Variants in ACSL1 observed in about 807,000 individuals in gnomAD.
The protein encoded by ACSL1 is long-chain-fatty-acid--CoA ligase 1.
A neutral mutation model predicts 98.4 loss-of-function variants in ACSL1; 41 were observed. That is an observed-to-expected ratio of 0.42 (90% CI 0.32 to 0.54). The LOEUF (loss-of-function observed/expected upper bound fraction) is 0.54, where lower values mean the gene tolerates loss of function less well. Among genes scored for constraint, ACSL1 ranks in the 20% least tolerant of loss-of-function variants. ACSL1 has a pLI of 0.13. For missense variants in ACSL1, 734 were observed against 883.1 expected (o/e 0.83, Z 2.14); for synonymous variants, 316 against 322.7 (o/e 0.98, Z 0.22).
intron 3 of ACSL1, among the ~76,000 whole-genome samples, chr4:184,785,428 CT>C (rs1767047298): frequency 6.6e-6 from 1 of 152,102 alleles, no homozygotes; most frequent in Admixed American, 6.5e-5. Context: ...TTATAAATGG[CT>C]TCCTTGGTGC....
intron 3 of ACSL1, among the ~76,000 whole-genome samples, chr4:184,785,389 G>C (rs1210737046): frequency 3.9e-5 from 6 of 152,118 alleles, no homozygotes; most frequent in African/African-American, 1.4e-4. Flanking sequence ...CTAGAGATGA[G>C]AGCCACTGAG....
Position 184,770,399 on chromosome 4 carries a change from C to G in ACSL1, c.993G>C (p.Glu331Asp), listed in dbSNP as rs1198388091. 1 of 1,613,282 alleles carries G rather than the reference C, an allele frequency of 6.2e-7. No individual in the cohort carries two copies. The highest frequency in any genetic ancestry group is 8.5e-7 in the Non-Finnish European group (1 of 1,179,728). ...AAGGAAAACAAAATTAAATGCCTACCTCTACAACTCTCTCAAACATATGGG... is the reference window on the plus strand; with the variant it reads ...AAGGAAAACAAAATTAAATGCCTACGTCTACAACTCTCTCAAACATATGGG... ...PLAHMFERVV[E>D]CVMLCHGAKI... The change falls in exon 11 of 21, where the codon GAG becomes GAC. Residue 331 changes from glutamate (E) to aspartate (D), a missense_variant and splice_region_variant. Transcript: ENST00000281455.
At chr4:184,792,133 T>C (rs1768479900) in intron 2 of ACSL1, among the ~76,000 whole-genome samples, 1 of 152,156 alleles carries the variant, frequency 6.6e-6, no homozygotes, top group South Asian at 2.1e-4. Context: ...AAGAAGTGAA[T>C]GATATCCCCA....
At chr4:184,822,337 C>A (rs1773123870) in intron 1 of ACSL1, among the ~76,000 whole-genome samples, 1 of 152,140 alleles carries the variant, frequency 6.6e-6, no homozygotes, top group Non-Finnish European at 1.5e-5. Flanking sequence ...GGGTGACACC[C>A]TCCAAGCCAG....
intron 1 of ACSL1, among the ~76,000 whole-genome samples, chr4:184,820,666 G>A (rs562926254): frequency 8.5e-5 from 13 of 152,090 alleles, no homozygotes; most frequent in African/African-American, 3.1e-4. Flanking sequence ...GTGCTGTGGC[G>A]CAATCTTGGC....
intron 14 of ACSL1, among the ~76,000 whole-genome samples, 175 bp downstream of exon 14, chr4:184,765,716 A>G (rs1348848607): frequency 2.0e-5 from 3 of 152,224 alleles, no homozygotes; most frequent in African/African-American, 7.2e-5. Context: ...TAGCCATTCC[A>G]CAATGTTTAC....
chr4:184,814,012 T>C (rs2150486035), intron 1 of ACSL1: 1 of 399,576 alleles, frequency 2.5e-6, no homozygotes, highest in South Asian at 1.7e-5. Flanking sequence ...CATGTAAGGC[T>C]GGGCACAGTG....
chr4:184,793,606 C>T (rs940138129), intron 2 of ACSL1, among the ~76,000 whole-genome samples: 4 of 152,130 alleles, frequency 2.6e-5, no homozygotes, highest in Non-Finnish European at 4.4e-5. Context: ...CCTTGTGTTG[C>T]TACTGTTTAT....
intron 1 of ACSL1, among the ~76,000 whole-genome samples, chr4:184,811,145 G>A (rs1772026021): frequency 6.6e-6 from 1 of 152,090 alleles, no homozygotes; most frequent in South Asian, 2.1e-4. Flanking sequence ...GTCTCACTTT[G>A]TCGCCCAGGC....
chr4:184,766,890 C>A lies in ACSL1; in HGVS notation c.1129-134G>T. On this transcript the variant is annotated intron_variant, in intron 12 of 20. Coordinates refer to ENST00000281455, the MANE Select transcript of ACSL1 (RefSeq NM_001995.5). The surrounding 1 kb of genome is among the most constrained non-coding windows in gnomAD (Gnocchi z 4.8). ...CAGCTGCTCTGACAGCCTGGCCGGTCCTCTAACGGCCCCACATGGTCAGCA... is the reference window on the plus strand; with the variant it reads ...CAGCTGCTCTGACAGCCTGGCCGGTACTCTAACGGCCCCACATGGTCAGCA... 1.0e-6 allele frequency: 1 copy of A among 974,622 alleles called. No individual in the cohort carries two copies. The allele number at this position is 974,622 out of a possible 1,614,324, so 60.4% of individuals were successfully genotyped here.
intron 4 of ACSL1, among the ~76,000 whole-genome samples, chr4:184,782,521 A>G (rs1283274166): frequency 6.6e-6 from 1 of 152,182 alleles, no homozygotes; most frequent in Non-Finnish European, 1.5e-5. Flanking sequence ...CAACAGAAGT[A>G]ACCCAGGAGG....
chr4:184,773,027 C>G lies in ACSL1; in HGVS notation c.915+54G>C, dbSNP rs986702510. 1 of 1,554,434 alleles carries G rather than the reference C, an allele frequency of 6.4e-7. No individual in the cohort carries two copies. Among genetic ancestry groups the G allele is most frequent in the African/African-American group, 1.4e-5 (1 of 73,818 alleles). ...GGTGCCCACCTTCAGCACTTTCATT[C>G]TCAAGGACTAATGTCAATCAATGAG... On this transcript the variant is annotated intron_variant, in intron 10 of 20. Coordinates refer to ENST00000281455, the MANE Select transcript of ACSL1 (RefSeq NM_001995.5). The surrounding 1 kb of genome is among the most constrained non-coding windows in gnomAD (Gnocchi z 4.3).
chr4:184,803,682 C>T lies in ACSL1; in HGVS notation c.-32-136G>A, dbSNP rs924493798. 1 of 460,940 alleles carries T rather than the reference C, an allele frequency of 2.2e-6. No individual in the cohort carries two copies. The highest frequency in any genetic ancestry group is 2.0e-5 in the African/African-American group (1 of 49,780). 28.6% of individuals were successfully genotyped at this position (460,940 alleles called of 1,614,324 possible). Reference sequence around the variant, plus strand: ...GGCATTAAACCCACAATCTAATGATCCGGGGCTTTTCCTGGCTGTCAAGTG... The same window carrying T: ...GGCATTAAACCCACAATCTAATGATTCGGGGCTTTTCCTGGCTGTCAAGTG... On this transcript the variant is annotated intron_variant, in intron 1 of 20. Transcript: ENST00000281455. The surrounding 1 kb of genome is among the most constrained non-coding windows in gnomAD (Gnocchi z 4.8).
chr4:184,799,279 G>C lies in ACSL1; in HGVS notation c.195+4041C>G, dbSNP rs1031352277. Among the ~76,000 whole-genome samples the C allele has an allele frequency of 7.2e-5, 11 of 152,086 alleles. 1 individual carries two copies. The highest frequency in any genetic ancestry group is 2.0e-4 in the Admixed American group (3 of 15,280). Reference sequence around the variant, plus strand: ...TTACAGGCACACGCCACCACGCCTGGCTAATTTTTGTATTTCTAGTAGAGA... The same window carrying C: ...TTACAGGCACACGCCACCACGCCTGCCTAATTTTTGTATTTCTAGTAGAGA... On this transcript the variant is annotated intron_variant, in intron 2 of 20. Coordinates refer to ENST00000281455, the MANE Select transcript of ACSL1 (RefSeq NM_001995.5).
intron 3 of ACSL1, among the ~76,000 whole-genome samples, chr4:184,786,418 G>GCACGCACACACACACA (rs1391886944): frequency 7.2e-6 from 1 of 138,844 alleles, no homozygotes; most frequent in Non-Finnish European, 1.6e-5. Flanking sequence ...TGGTGGCAAA[G>GCACGCACACACACACA]CACACACACA....
Position 184,766,737 on chromosome 4 carries a change from G to A in ACSL1, c.1148C>T (p.Thr383Ile), listed in dbSNP as rs1561181036. 3 of 1,612,388 alleles carry A rather than the reference G, an allele frequency of 1.9e-6. No individual in the cohort carries two copies. The highest frequency in any genetic ancestry group is 2.5e-6 in the Non-Finnish European group (3 of 1,178,664). ...GTCCAAGAGCCATCGCTTCAGCGTG[G>A]TGTTTGCTTGTCCGAAAATCTAATG... ...MFDRIFGQANTTLKRWLLDFA... is the reference protein window; with the variant it reads ...MFDRIFGQANITLKRWLLDFA... The change falls in exon 13 of 21, where the codon ACC (threonine) becomes ATC (isoleucine). Residue 383 changes from threonine to isoleucine, a missense_variant. By Grantham distance (89) the Thr-to-Ile change is moderately conservative (BLOSUM62 -1). Transcript: ENST00000281455. The surrounding 1 kb of genome is among the most constrained non-coding windows in gnomAD (Gnocchi z 4.8).
chr4:184,757,785 T>C lies in ACSL1; in HGVS notation c.1884+34A>G. ...TACAGGTACATTTAATGCCAAGTTA[T>C]GATGAGGACAGACTGGACCCTTCAG... On this transcript the variant is annotated intron_variant, in intron 19 of 20. Transcript: ENST00000281455. This position sits in a 1 kb window ranked among gnomAD's most constrained non-coding sequence, Gnocchi z 4.5. 1 of 1,612,146 alleles carries C rather than the reference T, an allele frequency of 6.2e-7. No individual in the cohort carries two copies. The highest frequency in any genetic ancestry group is 8.5e-7 in the Non-Finnish European group (1 of 1,178,262).
intron 4 of ACSL1, 37 bp from the exon 5 acceptor site, chr4:184,780,470 G>A (rs568891865): frequency 5.9e-5 from 89 of 1,514,364 alleles, no homozygotes; most frequent in Admixed American, 5.2e-4. Flanking sequence ...GCAGCATTGG[G>A]CCCCAACTCC....
chr4:184,766,612 C>A lies in ACSL1; in HGVS notation c.1263+10G>T. The A allele has an allele frequency of 6.2e-7, 1 of 1,609,776 alleles. No individual in the cohort carries two copies. The highest frequency in any genetic ancestry group is 1.1e-5 in the South Asian group (1 of 90,882). Reference sequence around the variant, plus strand: ...TTCCATGGGAGCAGTGGCTGTGAGTCACGTGTTACCTGTACTTTGTGGAAG... The same window carrying A: ...TTCCATGGGAGCAGTGGCTGTGAGTAACGTGTTACCTGTACTTTGTGGAAG... On this transcript the variant is annotated intron_variant, in intron 13 of 20. Transcript: ENST00000281455. The surrounding 1 kb of genome is among the most constrained non-coding windows in gnomAD (Gnocchi z 4.8).
Sources: gnomAD v4.1 joint callset for allele counts (sites outside exome capture counted in the v4.1 genomes callset) on GRCh38, gnomAD v4.1.1 for gene constraint, Gnocchi (gnomAD v3.1) non-coding constraint, MANE v1.5 for transcripts, NCBI Gene and HGNC (gene_info 2026-07-23, HGNC 2026-07-21) for gene names.